IQCN: variants seen among roughly 807,000 people sequenced by gnomAD.
IQCN encodes the protein IQ motif containing N, also known as IQ domain-containing protein N.
In IQCN, 46 loss-of-function variants were observed where a neutral mutation model predicts 64.4. The observed-to-expected ratio is 0.71, with a 90% CI of 0.56 to 0.91. IQCN has a LOEUF of 0.91. Ranked by LOEUF, IQCN falls within the 40% of genes least tolerant of loss-of-function variation. IQCN has a pLI of 0.00. For synonymous variants in IQCN, 733 were observed against 775.6 expected, an observed-to-expected ratio of 0.95 and a Z score of 0.91; for missense variants, 1,753 against 1,857.4, an observed-to-expected ratio of 0.94 and a Z score of 1.03.
At chr19:18,258,771 G>T (rs1477269) in intron 3 of IQCN, 82,677 of 248,188 alleles carry the variant, frequency 0.33, 16,257 homozygotes, top group African/African-American at 0.58. Flanking sequence ...AGAGTGATTT[G>T]GGGGTATGAC....
Position 18,269,522 on chromosome 19 carries a change from C to T in IQCN, c.-44G>A, listed in dbSNP as rs374336282. The T allele has an allele frequency of 3.5e-5, 56 of 1,611,830 alleles. No individual in the cohort carries two copies. In the Middle Eastern group the frequency reaches 1.0e-3, roughly 30 times the overall value. On this transcript the variant is annotated 5_prime_UTR_variant, in exon 2 of 4. Transcript: ENST00000392413. ...GGAGAAGAAGGTGCAATCTCAGAAG[C>T]CAGCCTGCAAGAGGAGGCAGCCTTC...
intron 3 of IQCN, chr19:18,260,509 A>C (rs889836081): frequency 6.6e-6 from 1 of 152,362 alleles, no homozygotes; most frequent in Admixed American, 6.5e-5. Flanking sequence ...CTTGGGGCCA[A>C]CCTAGTGTCC....
chr19:18,259,776 GAAAGATTAGA>G (rs1298262870), intron 3 of IQCN: 8 of 152,480 alleles, frequency 5.2e-5, no homozygotes, highest in African/African-American at 1.9e-4. Flanking sequence ...GCTGTTCAGG[GAAAGATTAGA>G]CTGAGTCACG....
At chr19:18,259,648 C>A (rs1969385244) in intron 3 of IQCN, 1 of 152,280 alleles carries the variant, frequency 6.6e-6, no homozygotes, top group African/African-American at 2.4e-5. Flanking sequence ...TTCAGAGAGT[C>A]CTGCGGAATC....
intron 2 of IQCN, chr19:18,267,792 CTTTT>C (rs201236242): frequency 0.018 from 3,858 of 213,242 alleles, no homozygotes; most frequent in East Asian, 0.055. Flanking sequence ...TTTTTCTTTT[CTTTT>C]TTTTTTTTTT....
Position 18,264,974 on chromosome 19 carries a change from G to A in IQCN, c.2566C>T (p.Arg856Cys), listed in dbSNP as rs148262698. 1,039 of 1,607,978 alleles carry A rather than the reference G, an allele frequency of 6.5e-4. 2 individuals are homozygous for A. The highest frequency in any genetic ancestry group is 1.8e-3 in the Middle Eastern group (11 of 6,084). ...TGGCCGGGCATTGATGGCTGGGCAC[G>A]TGTGGCTCCGTTGTCTCCCCAGGAC... Reference protein sequence around the residue: ...VESWGDNGATRAQPSMPGQAV... With the variant: ...VESWGDNGATCAQPSMPGQAV... The change falls in exon 3 of 4, where the codon CGT (arginine) becomes TGT (cysteine). Residue 856 changes from arginine (R) to cysteine (C), a missense_variant. By Grantham distance (180) the Arg-to-Cys change is radical (BLOSUM62 -3). Coordinates refer to ENST00000392413, the MANE Select transcript of IQCN (RefSeq NM_001145304.2). This position sits in a 1 kb window ranked among gnomAD's most constrained non-coding sequence, Gnocchi z 4.3.
intron 1 of IQCN, among the ~76,000 whole-genome samples, chr19:18,272,400 T>A (rs916240143): frequency 2.0e-5 from 3 of 152,040 alleles, no homozygotes; most frequent in African/African-American, 7.3e-5. Flanking sequence ...AGTGCTGGGA[T>A]TACAGGCATG....
At position 18,266,941 on chromosome 19, in the gene IQCN, A is replaced by C; in HGVS notation, c.599T>G (p.Leu200Arg). 6.2e-7 allele frequency: 1 copy of C among 1,611,464 alleles called. No homozygotes were observed. The highest frequency in any genetic ancestry group is 1.7e-4 in the Middle Eastern group (1 of 6,046). ...KETQFPSCDN[L>R]VLCRPQSSPL... is the part of the protein sequence containing the mutation. Reference sequence around the variant, plus strand: ...GGACGACTGGGGTCTGCAGAGGACCAGATTGTCACAGGAAGGGAACTGGGT... The same window carrying C: ...GGACGACTGGGGTCTGCAGAGGACCCGATTGTCACAGGAAGGGAACTGGGT... The change falls in exon 3 of 4, where the codon CTG becomes CGG. Residue 200 changes from leucine (L) to arginine (R), a missense_variant. Physicochemically the swap from Leu to Arg is moderately radical, Grantham distance 102 (BLOSUM62 -2). Transcript: ENST00000392413. The surrounding 1 kb of genome is among the most constrained non-coding windows in gnomAD (Gnocchi z 4.3).
Position 18,264,555 on chromosome 19 carries a change from C to T in IQCN, c.2985G>A (p.Glu995=), listed in dbSNP as rs970899100. 6.4e-7 allele frequency: 1 copy of T among 1,551,396 alleles called. No individual in the cohort carries two copies. Among genetic ancestry groups the T allele is most frequent in the African/African-American group, 1.4e-5 (1 of 73,178 alleles). The stretch of plus-strand genomic sequence containing the variant: ...AAGACTGGCTCAGGAGAGCACCCAG[C>T]TCACCCTGACACAGGGCCTGGCTCA... ...VALSQALCQG[E]LGALLSQSWC... The change falls in exon 3 of 4, where the codon GAG becomes GAA. Residue 995 remains glutamate, a synonymous_variant. Transcript: ENST00000392413. This position sits in a 1 kb window ranked among gnomAD's most constrained non-coding sequence, Gnocchi z 4.3.
chr19:18,269,025 G>A (rs1969673947), intron 2 of IQCN, among the ~76,000 whole-genome samples: 1 of 151,888 alleles, frequency 6.6e-6, no homozygotes, highest in Admixed American at 6.6e-5. Context: ...AGCTAGTCGG[G>A]AGGCTGAGGC....
chr19:18,268,738 CGGA>C (rs1286028486), intron 2 of IQCN, among the ~76,000 whole-genome samples: 1 of 151,496 alleles, frequency 6.6e-6, no homozygotes, highest in East Asian at 1.9e-4. Flanking sequence ...CCGAGGTGAG[CGGA>C]TCACAAGGTC....
chr19:18,258,408 C>T (rs1181108127), intron 3 of IQCN: 1 of 625,386 alleles, frequency 1.6e-6, no homozygotes, highest in Admixed American at 2.1e-5. Context: ...CTGTAAGGGC[C>T]TAACCCTGGC....
At chr19:18,270,294 G>C (rs1969706895) in intron 1 of IQCN, among the ~76,000 whole-genome samples, 1 of 150,638 alleles carries the variant, frequency 6.6e-6, no homozygotes, top group African/African-American at 2.4e-5. Flanking sequence ...CTGGGAGGCA[G>C]AGATTTCAGT....
At chr19:18,271,164 T>C (rs1473263143) in intron 1 of IQCN, among the ~76,000 whole-genome samples, 1 of 127,610 alleles carries the variant, frequency 7.8e-6, no homozygotes, top group South Asian at 2.5e-4. Context: ...AGAGTGAGAC[T>C]CTGTCTCAAA....
At chr19:18,271,468 C>CAAA (rs536457866) in intron 1 of IQCN, among the ~76,000 whole-genome samples, 3 of 98,016 alleles carry the variant, frequency 3.1e-5, no homozygotes, top group Non-Finnish European at 4.2e-5. Context: ...AAACTCAGTT[C>CAAA]AAAAAAAAAA....
In IQCN at chr19:18,269,580, G is replaced by A; in HGVS notation, c.-102C>T. 8.8e-7 allele frequency: 1 copy of A among 1,135,282 alleles called. No homozygotes were observed. The highest frequency in any genetic ancestry group is 1.3e-6 in the Non-Finnish European group (1 of 767,932). 70.3% of individuals were successfully genotyped at this position (1,135,282 alleles called of 1,614,324 possible). A position where few individuals can be genotyped will look rare whatever the true frequency, so the allele number is the denominator to read the frequency against. The stretch of plus-strand genomic sequence containing the variant: ...CATCCATGCAATATGCAGCAACACT[G>A]CCCTGGGCTGGCTCAAGACCAACAC... On this transcript the variant is annotated 5_prime_UTR_variant, in exon 2 of 4. Transcript: ENST00000392413.
chr19:18,268,744 A>T (rs560545107), intron 2 of IQCN, among the ~76,000 whole-genome samples: 86 of 151,932 alleles, frequency 5.7e-4, no homozygotes, highest in African/African-American at 1.9e-3. Context: ...TGAGCGGATC[A>T]CAAGGTCAGG....
Position 18,266,567 on chromosome 19 carries a change from C to A in IQCN, c.973G>T (p.Ala325Ser). Residue 325 changes from alanine (A) to serine (S), a missense_variant, in exon 3 of 4, where the codon GCC becomes TCC. Transcript: ENST00000392413. This position sits in a 1 kb window ranked among gnomAD's most constrained non-coding sequence, Gnocchi z 4.3. ...QGPVKAETPK[A>S]PFQICPGPMI... Reference sequence around the variant, plus strand: ...GGCCCTGGACATATCTGGAAGGGGGCTTTGGGGGTCTCTGCTTTCACAGGG... The same window carrying A: ...GGCCCTGGACATATCTGGAAGGGGGATTTGGGGGTCTCTGCTTTCACAGGG... 1 of 1,613,180 alleles carries A rather than the reference C, an allele frequency of 6.2e-7. No homozygotes were observed.
At position 18,257,720 on chromosome 19, in the gene IQCN, G is replaced by A. The variant is rs575963036; in HGVS notation, c.3564C>T (p.Pro1188=). Residue 1188 remains proline, a synonymous_variant, in exon 4 of 4, where the codon CCC becomes CCT. Transcript: ENST00000392413. ...DQARHWQMLH[P]VTWVELGSRA... is the part of the protein sequence containing the mutation. ...GGCTGCCCAGCTCCACCCACGTGAC[G>A]GGGTGGAGCATCTGCCAGTGCCGGG... 23 of 1,609,626 alleles carry A rather than the reference G, an allele frequency of 1.4e-5. No homozygotes were observed. In the South Asian group the frequency reaches 1.5e-4, roughly 11 times the overall value.
Sources: allele counts gnomAD v4.1 joint callset (sites outside exome capture counted in the v4.1 genomes callset), GRCh38; gene constraint gnomAD v4.1.1; non-coding constraint Gnocchi (gnomAD v3.1); transcripts MANE v1.5; gene names NCBI Gene and HGNC (gene_info 2026-07-23, HGNC 2026-07-21).